Variants in RNFT2 observed in about 807,000 individuals in gnomAD.
RNFT2 encodes E3 ubiquitin-protein ligase RNFT2.
RNFT2 carries 36 observed loss-of-function variants against 53.0 expected under a neutral mutation model. That is an observed-to-expected ratio of 0.68 (90% CI 0.52 to 0.90). The LOEUF (loss-of-function observed/expected upper bound fraction) is 0.90. RNFT2 is among the 40% of genes least tolerant of loss of function. The pLI is 0.00. For missense variants in RNFT2, 514 were observed against 585.6 expected, an observed-to-expected ratio of 0.88 and a Z score of 1.26; for synonymous variants, 260 against 253.2, an observed-to-expected ratio of 1.03 and a Z score of -0.26.
intron 3 of RNFT2, among the ~76,000 whole-genome samples, chr12:116,743,066 G>A (rs1445532729): frequency 7.7e-5 from 8 of 103,718 alleles, no homozygotes; most frequent in African/African-American, 3.0e-4. Context: ...GGGCAACAGA[G>A]TGAGACCCTA....
intron 7 of RNFT2, among the ~76,000 whole-genome samples, chr12:116,805,605 G>C (rs1445105964): frequency 6.6e-6 from 1 of 152,150 alleles, no homozygotes; most frequent in African/African-American, 2.4e-5. Context: ...CTCCTGAGTA[G>C]CTGGGACCAC....
Position 116,849,394 on chromosome 12 carries a change from C to T in RNFT2, c.1281C>T (p.Asp427=), listed in dbSNP as rs895232694. 1.9e-6 allele frequency: 3 copies of T among 1,572,890 alleles called. No homozygotes were observed. The highest frequency in any genetic ancestry group is 1.7e-4 in the Middle Eastern group (1 of 6,024). The change falls in exon 11 of 11, where the codon GAC becomes GAT. Residue 427 remains aspartate (D), a synonymous_variant. Transcript: ENST00000257575. Reference sequence around the variant, plus strand: ...CGCTCTGCCGCTCGGTCGCCGTGGACACCCTGCGCTGCTGGAAGGACGGCG... The same window carrying T: ...CGCTCTGCCGCTCGGTCGCCGTGGATACCCTGCGCTGCTGGAAGGACGGCG... The part of the protein sequence containing the change: ...TCPLCRSVAV[D]TLRCWKDGAT...
intron 7 of RNFT2, among the ~76,000 whole-genome samples, chr12:116,784,814 A>G (rs1873859944): frequency 6.6e-6 from 1 of 152,128 alleles, no homozygotes. Context: ...GCTCGCCACC[A>G]TGAGACCAAA....
chr12:116,848,964 G>A (rs1004045632), intron 10 of RNFT2, among the ~76,000 whole-genome samples: 4 of 151,964 alleles, frequency 2.6e-5, no homozygotes, highest in Middle Eastern at 6.8e-3. Flanking sequence ...GACTACAGGC[G>A]CCCACCACCA....
intron 5 of RNFT2, 76 bp from the exon 6 acceptor site, chr12:116,766,738 C>A: frequency 9.0e-7 from 1 of 1,113,256 alleles, no homozygotes; most frequent in Non-Finnish European, 1.3e-6. Flanking sequence ...TGAAAAGCTG[C>A]CAGTCATCAG....
rs1490722493 is a variant in RNFT2 at position 116,849,373 on chromosome 12, C to G, written c.1260C>G (p.Leu420=). 34 of 1,553,486 alleles carry G rather than the reference C, an allele frequency of 2.2e-5. No homozygotes were observed. The Middle Eastern group carries it at 6.6e-4, about 30-fold the overall frequency. Residue 420 remains leucine, a synonymous_variant, in exon 11 of 11, where the codon CTC becomes CTG. Transcript: ENST00000257575. ...LWLDRERTCP[L]CRSVAVDTLR... ...TGGACCGTGAGCGCACCTGCCCGCT[C>G]TGCCGCTCGGTCGCCGTGGACACCC...
chr12:116,780,801 A>T (rs1425279888), intron 7 of RNFT2, among the ~76,000 whole-genome samples: 1 of 152,114 alleles, frequency 6.6e-6, no homozygotes, highest in East Asian at 1.9e-4. Flanking sequence ...CATTGAGCTC[A>T]TGCAGGGTTC....
At chr12:116,832,148 A>AATATATATATAT (rs1555209703) in intron 7 of RNFT2, among the ~76,000 whole-genome samples, 16 of 55,164 alleles carry the variant, frequency 2.9e-4, no homozygotes, top group African/African-American at 9.8e-4. Context: ...AAAAAAAAAA[A>AATATATATATAT]ATATATATAT....
At chr12:116,806,074 AT>A (rs1237932923) in intron 7 of RNFT2, among the ~76,000 whole-genome samples, 2 of 152,150 alleles carry the variant, frequency 1.3e-5, no homozygotes, top group Non-Finnish European at 2.9e-5. Flanking sequence ...CTGATGTTTT[AT>A]CATGTTAACA....
chr12:116,789,413 TAGG>T (rs778117993), intron 7 of RNFT2, among the ~76,000 whole-genome samples: 164 of 133,526 alleles, frequency 1.2e-3, no homozygotes, highest in Non-Finnish European at 2.3e-3. Context: ...GAGTAAATGG[TAGG>T]AGAGTGGTGG....
At chr12:116,767,367 T>A (rs1872964441) in intron 6 of RNFT2, among the ~76,000 whole-genome samples, 1 of 151,352 alleles carries the variant, frequency 6.6e-6, no homozygotes. Context: ...TACAAGTGCA[T>A]GCCACCACAC....
At chr12:116,750,851 A>AT (rs1491288992) in intron 4 of RNFT2, among the ~76,000 whole-genome samples, 3 of 105,574 alleles carry the variant, frequency 2.8e-5, no homozygotes, top group African/African-American at 1.2e-4. Flanking sequence ...ATATATATAT[A>AT]ATATATATTA....
intron 10 of RNFT2, among the ~76,000 whole-genome samples, chr12:116,837,722 G>A (rs2137208909): frequency 6.6e-6 from 1 of 152,262 alleles, no homozygotes; most frequent in East Asian, 1.9e-4. Context: ...TAGAAAACAG[G>A]TTTGATGAAA....
At chr12:116,807,852 G>A (rs531852436) in intron 7 of RNFT2, among the ~76,000 whole-genome samples, 29 of 151,304 alleles carry the variant, frequency 1.9e-4, no homozygotes, top group African/African-American at 6.4e-4. Context: ...CACCCAAACC[G>A]GTGTGCTTTG....
chr12:116,765,913 T>C (rs914567985), intron 5 of RNFT2, among the ~76,000 whole-genome samples: 3 of 152,220 alleles, frequency 2.0e-5, no homozygotes, highest in Non-Finnish European at 4.4e-5. Flanking sequence ...AATCTTCTGC[T>C]GGGTTGTAAA....
At chr12:116,798,169 T>C (rs1042404497) in intron 7 of RNFT2, among the ~76,000 whole-genome samples, 2 of 148,914 alleles carry the variant, frequency 1.3e-5, no homozygotes, top group African/African-American at 5.0e-5. Context: ...ACAGAGAAAA[T>C]AGCCACCTAC....
At chr12:116,831,788 AC>A (rs766467388) in intron 7 of RNFT2, among the ~76,000 whole-genome samples, 2 of 151,972 alleles carry the variant, frequency 1.3e-5, no homozygotes, top group Non-Finnish European at 2.9e-5. Context: ...GTTTTGGCAA[AC>A]GTGCGCACCC....
At chr12:116,824,664 G>A (rs1876231267) in intron 7 of RNFT2, among the ~76,000 whole-genome samples, 1 of 152,172 alleles carries the variant, frequency 6.6e-6, no homozygotes, top group Non-Finnish European at 1.5e-5. Context: ...GCTTATAATT[G>A]TGTTCATGGT....
chr12:116,801,765 T>C (rs1874801655), intron 7 of RNFT2, among the ~76,000 whole-genome samples: 1 of 152,142 alleles, frequency 6.6e-6, no homozygotes, highest in Admixed American at 6.5e-5. Flanking sequence ...GAGATGTTAA[T>C]AGGCATTTTA....
Sources: gnomAD v4.1 joint callset for allele counts (sites outside exome capture counted in the v4.1 genomes callset) on GRCh38, gnomAD v4.1.1 for gene constraint, MANE v1.5 for transcripts, NCBI Gene and HGNC (gene_info 2026-07-23, HGNC 2026-07-21) for gene names.